Variants in MMP16 observed in about 807,000 individuals in gnomAD.
The protein encoded by MMP16 is matrix metalloproteinase-16.
A neutral mutation model predicts 67.8 loss-of-function variants in MMP16; 12 were observed. That is an observed-to-expected ratio of 0.18 (90% CI 0.11 to 0.29). MMP16 has a LOEUF of 0.29. MMP16 is among the 10% of genes least tolerant of loss of function. MMP16 has a pLI of 1.00. For missense variants in MMP16, 475 were observed against 765.7 expected (o/e 0.62, Z 4.48); for synonymous variants, 249 against 255.9 (o/e 0.97, Z 0.26).
intron 6 of MMP16, among the ~76,000 whole-genome samples, chr8:88,106,384 C>G (rs1809242041): frequency 1.3e-5 from 2 of 151,252 alleles, no homozygotes; most frequent in African/African-American, 4.8e-5. Flanking sequence ...ATTACATTGG[C>G]TAGGCTATGT....
At chr8:88,056,075 T>C in intron 8 of MMP16, 53 bp downstream of exon 8, 1 of 1,333,750 alleles carries the variant, frequency 7.5e-7, no homozygotes, top group East Asian at 2.8e-5. Flanking sequence ...GAAATGCTGA[T>C]TTTCTAAACA....
chr8:88,292,154 T>C (rs184675435), intron 1 of MMP16, among the ~76,000 whole-genome samples: 4 of 152,368 alleles, frequency 2.6e-5, no homozygotes, highest in Non-Finnish European at 2.9e-5. Flanking sequence ...CTAGAAGAAT[T>C]ACCTGCTTTG....
At position 88,127,204 on chromosome 8, in the gene MMP16, T is replaced by C. The variant is rs185848252; in HGVS notation, c.710-8343A>G. ...TACTGGGCTCAAGTTTTGGAGAGTT[T>C]TGAATGCTAGGTTTGAGTGTGATTA... is the stretch of plus-strand genomic sequence containing the variant. On this transcript the variant is annotated intron_variant, in intron 4 of 9. Transcript: ENST00000286614. 2.6e-5 allele frequency among the ~76,000 whole-genome samples: 4 copies of C among 151,952 alleles called. No homozygotes were observed. In the East Asian group the frequency reaches 5.8e-4, roughly 22 times the overall value.
chr8:88,118,983 A>G (rs1809483930), intron 4 of MMP16, 122 bp from the exon 5 acceptor site: 1 of 923,478 alleles, frequency 1.1e-6, no homozygotes, highest in Admixed American at 2.7e-5. Flanking sequence ...TCCTTCAACT[A>G]TTTGTATGGT....
chr8:88,107,213 T>C (rs973613433), intron 6 of MMP16, among the ~76,000 whole-genome samples: 3 of 151,188 alleles, frequency 2.0e-5, no homozygotes, highest in African/African-American at 7.2e-5. Flanking sequence ...CTTTTGTATT[T>C]TTATACATTT....
At chr8:88,085,212 T>C (rs112895536) in intron 6 of MMP16, among the ~76,000 whole-genome samples, 11 of 151,970 alleles carry the variant, frequency 7.2e-5, no homozygotes, top group Non-Finnish European at 1.3e-4. Flanking sequence ...TTTTTCAACA[T>C]TGGAAAAGAA....
chr8:88,201,073 T>C (rs7823166), intron 1 of MMP16, among the ~76,000 whole-genome samples: 97,865 of 147,406 alleles, frequency 0.66, 34,772 homozygotes, highest in Non-Finnish European at 0.82. Context: ...TCCCCACTGA[T>C]AGGACATAAC....
intron 4 of MMP16, among the ~76,000 whole-genome samples, chr8:88,161,599 G>A (rs1467072703): frequency 6.6e-6 from 1 of 151,926 alleles, no homozygotes; most frequent in Admixed American, 6.6e-5. Context: ...GATAGCTTTT[G>A]AATGTGTTTG....
chr8:88,264,012 A>T (rs1386053782), intron 1 of MMP16, among the ~76,000 whole-genome samples: 2 of 135,780 alleles, frequency 1.5e-5, no homozygotes, highest in East Asian at 2.2e-4. Flanking sequence ...GTGTGTGTGC[A>T]ACTTCCCTAC....
chr8:88,161,092 C>T (rs1808612812), intron 4 of MMP16, among the ~76,000 whole-genome samples: 1 of 152,122 alleles, frequency 6.6e-6, no homozygotes, highest in African/African-American at 2.4e-5. Flanking sequence ...CCCTCTTTTT[C>T]TATTGATTAG....
chr8:88,318,990 T>C (rs959101112), intron 1 of MMP16, among the ~76,000 whole-genome samples: 13 of 152,086 alleles, frequency 8.5e-5, no homozygotes, highest in African/African-American at 2.9e-4. Context: ...TAAAGGAGAC[T>C]GCTTGGCAGT....
chr8:88,118,931 G>T, intron 4 of MMP16, 70 bp from the exon 5 acceptor site: 1 of 1,439,940 alleles, frequency 6.9e-7, no homozygotes, highest in Non-Finnish European at 9.5e-7. Flanking sequence ...GGACAATTTG[G>T]TATTATCAAC....
At chr8:88,073,607 A>G (rs530658835) in intron 7 of MMP16, among the ~76,000 whole-genome samples, 1 of 152,292 alleles carries the variant, frequency 6.6e-6, no homozygotes, top group Admixed American at 6.5e-5. Context: ...GATAAAGCCC[A>G]GGTATATACT....
chr8:88,052,631 TACA>T lies in MMP16; in HGVS notation c.1373+3494_1373+3496del, dbSNP rs1374479881. Among the ~76,000 whole-genome samples the T allele has an allele frequency of 4.6e-5, 7 of 152,244 alleles. No homozygotes were observed. The South Asian group carries it at 1.2e-3, about 27-fold the overall frequency. ...AAAATTCAAACTGTTTGCCATGGGC[TACA>T]GGGCCCTGTGAAATCTGGTCCCTAT... On this transcript the variant is annotated intron_variant, in intron 8 of 9. Coordinates refer to ENST00000286614, the MANE Select transcript of MMP16 (RefSeq NM_005941.5).
At chr8:88,091,080 T>C (rs1808926413) in intron 6 of MMP16, among the ~76,000 whole-genome samples, 1 of 151,738 alleles carries the variant, frequency 6.6e-6, no homozygotes, top group African/African-American at 2.4e-5. Flanking sequence ...CTGAAGAGTG[T>C]TTTTAAGATT....
At chr8:88,265,243 T>TTTTTTTTTTC (rs1554589926) in intron 1 of MMP16, among the ~76,000 whole-genome samples, 1 of 149,170 alleles carries the variant, frequency 6.7e-6, no homozygotes, top group African/African-American at 2.5e-5. Context: ...TTTTTTTTTT[T>TTTTTTTTTTC]CAGATACAGA....
At chr8:88,313,548 T>A (rs1288045639) in intron 1 of MMP16, among the ~76,000 whole-genome samples, 2 of 152,194 alleles carry the variant, frequency 1.3e-5, no homozygotes, top group Admixed American at 1.3e-4. Flanking sequence ...GTTTTCTTCT[T>A]TTTTCTTTGT....
chr8:88,203,814 T>C (rs1809382087), intron 1 of MMP16, among the ~76,000 whole-genome samples: 1 of 152,244 alleles, frequency 6.6e-6, no homozygotes, highest in South Asian at 2.1e-4. Flanking sequence ...TATTTTCTTT[T>C]ACGAAAAGAC....
At chr8:88,275,792 C>A (rs1810639530) in intron 1 of MMP16, among the ~76,000 whole-genome samples, 1 of 151,996 alleles carries the variant, frequency 6.6e-6, no homozygotes, top group Non-Finnish European at 1.5e-5. Flanking sequence ...CCAGAGAACA[C>A]TGCTTACCTA....
Sources: gnomAD v4.1 joint callset for allele counts (sites outside exome capture counted in the v4.1 genomes callset) on GRCh38, gnomAD v4.1.1 for gene constraint, MANE v1.5 for transcripts, NCBI Gene and HGNC (gene_info 2026-07-23, HGNC 2026-07-21) for gene names.